Variants in ERBB4 observed in about 807,000 individuals in gnomAD.
ERBB4 encodes the protein erb-b2 receptor tyrosine kinase 4.
In ERBB4, 42 loss-of-function variants were observed where a neutral mutation model predicts 158.0. That is an observed-to-expected ratio of 0.27 (90% confidence interval 0.21 to 0.34). The LOEUF (loss-of-function observed/expected upper bound fraction) is 0.34, where lower values mean the gene tolerates loss of function less well. Among genes scored for constraint, ERBB4 ranks in the 10% least tolerant of loss-of-function variants. The pLI is 1.00. For missense variants in ERBB4, 1,333 were observed against 1,624.1 expected, an observed-to-expected ratio of 0.82 and a Z score of 3.08; for synonymous variants, 583 against 558.7, an observed-to-expected ratio of 1.04 and a Z score of -0.61.
intron 1 of ERBB4, among the ~76,000 whole-genome samples, chr2:212,384,492 G>A (rs1385537705): frequency 1.3e-5 from 2 of 151,738 alleles, no homozygotes; most frequent in East Asian, 3.9e-4. Context: ...CTTCCAAAGA[G>A]ACAAATTCCT....
chr2:212,090,177 T>C (rs1303316847), intron 2 of ERBB4, among the ~76,000 whole-genome samples: 1 of 152,178 alleles, frequency 6.6e-6, no homozygotes, highest in Non-Finnish European at 1.5e-5. Flanking sequence ...TTTACTTATC[T>C]GAAAATAAAC....
chr2:212,535,759 T>TA (rs1203081052), intron 1 of ERBB4, among the ~76,000 whole-genome samples: 6 of 152,270 alleles, frequency 3.9e-5, no homozygotes, highest in Middle Eastern at 3.4e-3. Flanking sequence ...TTAGAATTTC[T>TA]AAAAAACATC....
chr2:211,759,928 TTAAA>T (rs2075369188), intron 4 of ERBB4, among the ~76,000 whole-genome samples: 1 of 152,182 alleles, frequency 6.6e-6, no homozygotes, highest in African/African-American at 2.4e-5. Context: ...TTGGATGATA[TTAAA>T]TAAATATAAT....
chr2:211,540,373 T>C (rs976528021), intron 20 of ERBB4, among the ~76,000 whole-genome samples: 10 of 151,834 alleles, frequency 6.6e-5, no homozygotes, highest in Non-Finnish European at 1.5e-4. Context: ...CTCGTACACA[T>C]AATTGCAATG....
chr2:211,450,160 A>G (rs1271198687), intron 20 of ERBB4, among the ~76,000 whole-genome samples: 2 of 152,290 alleles, frequency 1.3e-5, no homozygotes, highest in East Asian at 3.9e-4. Context: ...GGGATTAGAG[A>G]AATTATGAAA....
chr2:211,845,893 G>A lies in ERBB4; in HGVS notation c.422-57734C>T, dbSNP rs563186567. Among the ~76,000 whole-genome samples the A allele has an allele frequency of 2.6e-5, 4 of 152,198 alleles. No individual in the cohort carries two copies. In the East Asian group the frequency reaches 5.8e-4, roughly 22 times the overall value. On this transcript the variant is annotated intron_variant, in intron 3 of 27. Transcript: ENST00000342788. ...GTTGTCTGGTTATCAAAAGCCATGA[G>A]TGACACTTAGGATTTGAGAGCATGC...
chr2:212,384,139 G>C (rs554331624), intron 1 of ERBB4, among the ~76,000 whole-genome samples: 51 of 151,764 alleles, frequency 3.4e-4, no homozygotes, highest in African/African-American at 1.1e-3. Context: ...AAGCACAGAA[G>C]CTGCTTTTCC....
At chr2:211,768,663 T>C (rs570567585) in intron 4 of ERBB4, among the ~76,000 whole-genome samples, 2 of 152,316 alleles carry the variant, frequency 1.3e-5, no homozygotes, top group East Asian at 1.9e-4. Flanking sequence ...CTGAACTGTA[T>C]GTTGGCTCCT....
rs1375778367 is a variant in ERBB4 at position 211,891,715 on chromosome 2, T to C, written c.421+55715A>G. On this transcript the variant is annotated intron_variant, in intron 3 of 27. Coordinates refer to ENST00000342788, the MANE Select transcript of ERBB4 (RefSeq NM_005235.3). Reference sequence around the variant, plus strand: ...ATCAAATAGACACAATAAAAAATGATAAACGGGATATCACCACCGATCCCA... The same window carrying C: ...ATCAAATAGACACAATAAAAAATGACAAACGGGATATCACCACCGATCCCA... 2.1e-4 allele frequency among the ~76,000 whole-genome samples: 29 copies of C among 138,246 alleles called. 3 individuals are homozygous for C. The highest frequency in any genetic ancestry group is 8.2e-4 in the African/African-American group (28 of 34,048). 90.7% of individuals were successfully genotyped at this position (138,246 alleles called of 152,430 possible).
intron 3 of ERBB4, among the ~76,000 whole-genome samples, chr2:211,790,554 T>C (rs956642122): frequency 6.6e-5 from 10 of 152,044 alleles, no homozygotes; most frequent in Admixed American, 1.3e-4. Context: ...TTCTTAGAAA[T>C]AGTCTGTTCG....
intron 2 of ERBB4, among the ~76,000 whole-genome samples, chr2:211,979,423 C>T (rs953812681): frequency 6.6e-6 from 1 of 152,156 alleles, no homozygotes; most frequent in Non-Finnish European, 1.5e-5. Context: ...AGGTTAACAG[C>T]TTTAGTAACT....
chr2:211,445,738 C>CA (rs1169497060), intron 20 of ERBB4, among the ~76,000 whole-genome samples: 1 of 152,002 alleles, frequency 6.6e-6, no homozygotes, highest in Non-Finnish European at 1.5e-5. Context: ...CAAAACAACA[C>CA]AAAATTAGGC....
intron 2 of ERBB4, among the ~76,000 whole-genome samples, chr2:212,092,398 A>G (rs1559481986): frequency 6.6e-6 from 1 of 152,196 alleles, no homozygotes; most frequent in African/African-American, 2.4e-5. Flanking sequence ...GAATGGAATT[A>G]TACCAGTGTT....
At chr2:212,490,824 T>G (rs1363321525) in intron 1 of ERBB4, among the ~76,000 whole-genome samples, 2 of 151,790 alleles carry the variant, frequency 1.3e-5, no homozygotes, top group East Asian at 3.9e-4. Context: ...AAACAGTAAC[T>G]TTAGCAGTGT....
chr2:212,093,426 T>C (rs1422607216), intron 2 of ERBB4, among the ~76,000 whole-genome samples: 1 of 152,164 alleles, frequency 6.6e-6, no homozygotes, highest in East Asian at 1.9e-4. Flanking sequence ...ACTCAGAAGA[T>C]GCAAGATGAA....
At chr2:212,477,695 T>G (rs1358887709) in intron 1 of ERBB4, among the ~76,000 whole-genome samples, 1 of 152,138 alleles carries the variant, frequency 6.6e-6, no homozygotes, top group Non-Finnish European at 1.5e-5. Context: ...ATGCTGTGTC[T>G]TTTTTTGTTC....
chr2:212,463,495 T>G (rs1403483782), intron 1 of ERBB4, among the ~76,000 whole-genome samples: 1 of 152,146 alleles, frequency 6.6e-6, no homozygotes, highest in Non-Finnish European at 1.5e-5. Context: ...ATCTCATTAT[T>G]GACATGTTTT....
chr2:211,875,046 A>AAAAAAAAAAT (rs2078461025), intron 3 of ERBB4, among the ~76,000 whole-genome samples: 1 of 114,872 alleles, frequency 8.7e-6, no homozygotes, highest in Non-Finnish European at 2.1e-5. Context: ...AAAAAAAAAA[A>AAAAAAAAAAT]AAAACAAACT....
At chr2:212,121,460 A>G (rs552725797) in intron 2 of ERBB4, among the ~76,000 whole-genome samples, 1 of 152,132 alleles carries the variant, frequency 6.6e-6, no homozygotes, top group Admixed American at 6.6e-5. Flanking sequence ...TGCCCACCTC[A>G]GCCTCTCAAA....
Sources: allele counts gnomAD v4.1 joint callset (sites outside exome capture counted in the v4.1 genomes callset), GRCh38; gene constraint gnomAD v4.1.1; transcripts MANE v1.5; gene names NCBI Gene and HGNC (gene_info 2026-07-23, HGNC 2026-07-21).